The following LRIG1 variants were observed in gnomAD, a reference collection of about 807,000 sequenced individuals.
LRIG1 encodes leucine-rich repeats and immunoglobulin-like domains protein 1.
A neutral mutation model predicts 99.2 loss-of-function variants in LRIG1; 48 were observed. The ratio of observed to expected loss-of-function variants is 0.48; its 90% CI spans 0.38 to 0.62. The LOEUF is 0.62. Among genes scored for constraint, LRIG1 ranks in the 20% least tolerant of loss-of-function variants. The pLI, the probability that LRIG1 is intolerant of heterozygous loss-of-function variation, is 0.00. For missense variants in LRIG1, 1,646 were observed against 1,434.4 expected (o/e 1.15, Z -2.38); for synonymous variants, 772 against 596.1 (o/e 1.29, Z -4.30).
intron 4 of LRIG1, 114 bp from the exon 5 acceptor site, chr3:66,415,177 G>A: frequency 9.4e-7 from 1 of 1,063,600 alleles, no homozygotes; most frequent in East Asian, 2.6e-5. Flanking sequence ...GACACCAGAG[G>A]GACAGGTTTC....
At chr3:66,474,118 ATGC>A (rs1391271216) in intron 1 of LRIG1, among the ~76,000 whole-genome samples, 10 of 152,328 alleles carry the variant, frequency 6.6e-5, no homozygotes, top group South Asian at 2.1e-4. Context: ...TACACAGACT[ATGC>A]TGCTATTAAA....
intron 3 of LRIG1, among the ~76,000 whole-genome samples, chr3:66,450,699 T>C (rs576487483): frequency 2.0e-5 from 3 of 152,290 alleles, no homozygotes; most frequent in East Asian, 1.9e-4. Context: ...AAGATTCATA[T>C]AGGTGAGCAA....
At chr3:66,484,009 G>A (rs890230773) in intron 1 of LRIG1, among the ~76,000 whole-genome samples, 5 of 152,238 alleles carry the variant, frequency 3.3e-5, no homozygotes, top group East Asian at 1.9e-4. Flanking sequence ...CAAAAAGACC[G>A]CCAATTCTAA....
chr3:66,386,634 G>C, intron 12 of LRIG1: 1 of 281,868 alleles, frequency 3.5e-6, no homozygotes, highest in Non-Finnish European at 6.8e-6. Flanking sequence ...AAACAGTCAG[G>C]CACCACTGGT....
intron 1 of LRIG1, among the ~76,000 whole-genome samples, chr3:66,481,612 G>A (rs759879980): frequency 2.6e-5 from 4 of 152,150 alleles, no homozygotes; most frequent in Admixed American, 2.6e-4. Flanking sequence ...CATGGCAAAG[G>A]AGCAAAATTA....
chr3:66,389,620 A>G (rs1321650883), intron 12 of LRIG1, among the ~76,000 whole-genome samples: 1 of 152,200 alleles, frequency 6.6e-6, no homozygotes, highest in African/African-American at 2.4e-5. Flanking sequence ...ATGCATCAGA[A>G]ACACGTAAAA....
intron 1 of LRIG1, among the ~76,000 whole-genome samples, chr3:66,488,348 C>A (rs1347854847): frequency 1.3e-5 from 2 of 151,450 alleles, no homozygotes; most frequent in East Asian, 1.9e-4. Flanking sequence ...CACAGCCGGG[C>A]GTGGTGGCTC....
chr3:66,413,866 G>A (rs1438773141), intron 5 of LRIG1, among the ~76,000 whole-genome samples: 3 of 152,122 alleles, frequency 2.0e-5, no homozygotes, highest in African/African-American at 7.2e-5. Context: ...ACCCCGTCGT[G>A]CCGCCAACCT....
chr3:66,500,362 G>A lies in LRIG1; in HGVS notation c.46C>T (p.Pro16Ser). The change falls in exon 1 of 19, where the codon CCT becomes TCT. Residue 16 changes from proline (P) to serine (S), a missense_variant. Transcript: ENST00000273261. ...AGCAGCCAGAGAAGGAGAAGGCAAG[G>A]CGAGCGGCGCGGGGCCCCGAGCCCT... The part of the protein sequence containing the change: ...RGGLGAPRRS[P>S]CLLLLWLLLL... 2 of 1,489,174 alleles carry A rather than the reference G, an allele frequency of 1.3e-6. No homozygotes were observed. Among genetic ancestry groups the A allele is most frequent in the Non-Finnish European group, 1.8e-6 (2 of 1,125,840 alleles). The allele number at this position is 1,489,174 out of a possible 1,614,324, so 92.2% of individuals were successfully genotyped here.
At chr3:66,434,689 G>C (rs1049650721) in intron 3 of LRIG1, among the ~76,000 whole-genome samples, 3 of 150,834 alleles carry the variant, frequency 2.0e-5, no homozygotes, top group South Asian at 4.2e-4. Flanking sequence ...AGAGGTTGCA[G>C]TGAGCAGAAA....
chr3:66,417,056 C>A, intron 4 of LRIG1, 73 bp downstream of exon 4: 1 of 1,578,284 alleles, frequency 6.3e-7, no homozygotes, highest in South Asian at 1.1e-5. Flanking sequence ...GCATCCAGAA[C>A]TGGGTGCCGG....
intron 16 of LRIG1, 62 bp from the exon 17 acceptor site, chr3:66,381,693 G>GA: frequency 6.4e-7 from 1 of 1,562,970 alleles, no homozygotes; most frequent in Non-Finnish European, 8.8e-7. Context: ...TAAGCCTTAT[G>GA]AAAGGAATGA....
In LRIG1 at chr3:66,500,473, G is replaced by C; in HGVS notation, c.-66C>G. The C allele has an allele frequency of 1.0e-6, 1 of 989,958 alleles. No homozygotes were observed. The highest frequency in any genetic ancestry group is 1.3e-6 in the Non-Finnish European group (1 of 744,708). 61.3% of individuals were successfully genotyped at this position (989,958 alleles called of 1,614,324 possible). On this transcript the variant is annotated 5_prime_UTR_variant, in exon 1 of 19. Transcript: ENST00000273261. ...TGAGGACCCGAACGGCCGCAGACGC[G>C]GGCGGGCCCGCGGGGCGCTCCGCTC... is the stretch of plus-strand genomic sequence containing the variant.
intron 3 of LRIG1, among the ~76,000 whole-genome samples, chr3:66,440,155 C>T (rs995384302): frequency 1.3e-5 from 2 of 152,120 alleles, no homozygotes; most frequent in African/African-American, 4.8e-5. Flanking sequence ...AAGCTTTTGG[C>T]TGCACACTGA....
At chr3:66,417,501 C>T (rs1438323557) in intron 3 of LRIG1, 1 of 505,228 alleles carries the variant, frequency 2.0e-6, no homozygotes, top group Non-Finnish European at 3.6e-6. Flanking sequence ...AGGCTTCCCT[C>T]TCCAAGGGCA....
intron 1 of LRIG1, among the ~76,000 whole-genome samples, chr3:66,492,433 TAAA>T (rs1218314540): frequency 3.3e-5 from 5 of 151,922 alleles, no homozygotes; most frequent in Non-Finnish European, 5.9e-5. Flanking sequence ...TCTAATCAGC[TAAA>T]AAAAAGAAGA....
rs1018778255 is a variant in LRIG1, at chr3:66,380,182, T to C, written c.*81A>G. On this transcript the variant is annotated 3_prime_UTR_variant, in exon 19 of 19. Coordinates refer to ENST00000273261, the MANE Select transcript of LRIG1 (RefSeq NM_015541.3). ...ACAACTATGTACAGATGAGTGACGC[T>C]TGAACCCAAGCTTCCTCGCAGCCTC... 3.0e-5 allele frequency: 36 copies of C among 1,201,532 alleles called. No homozygotes were observed. Among genetic ancestry groups the C allele is most frequent in the Non-Finnish European group, 3.9e-5 (33 of 852,562 alleles). The allele number at this position is 1,201,532 out of a possible 1,614,324, so 74.4% of individuals were successfully genotyped here. A position where few individuals can be genotyped will look rare whatever the true frequency, so the allele number is the denominator to read the frequency against.
chr3:66,413,347 G>C (rs1365249746), intron 5 of LRIG1, among the ~76,000 whole-genome samples: 1 of 152,232 alleles, frequency 6.6e-6, no homozygotes, highest in African/African-American at 2.4e-5. Flanking sequence ...TTGTGACTCT[G>C]CAGTGAGGAC....
chr3:66,495,421 G>A (rs373802057), intron 1 of LRIG1, among the ~76,000 whole-genome samples: 1 of 152,342 alleles, frequency 6.6e-6, no homozygotes, highest in African/African-American at 2.4e-5. Context: ...AGTCACTGAG[G>A]AGGGGGAACG....
Sources: gnomAD v4.1 joint callset for allele counts (sites outside exome capture counted in the v4.1 genomes callset) on GRCh38, gnomAD v4.1.1 for gene constraint, MANE v1.5 for transcripts, NCBI Gene and HGNC (gene_info 2026-07-23, HGNC 2026-07-21) for gene names.